Variants in UNC13C observed in about 807,000 individuals in gnomAD.
UNC13C encodes the protein protein unc-13 homolog C.
A neutral mutation model predicts 245.4 loss-of-function variants in UNC13C; 174 were observed. That is an observed-to-expected ratio of 0.71 (90% CI 0.63 to 0.80). UNC13C has a LOEUF of 0.80. Ranked by LOEUF, UNC13C falls within the 30% of genes least tolerant of loss-of-function variation. UNC13C has a pLI of 0.00. For missense variants in UNC13C, 2,829 were observed against 2,602.9 expected (o/e 1.09, Z -1.89); for synonymous variants, 992 against 895.1 (o/e 1.11, Z -1.93).
chr15:54,028,707 A>ATTTTTTTTTTTCT (rs1566960794), intron 2 of UNC13C, among the ~76,000 whole-genome samples: 1 of 17,038 alleles, frequency 5.9e-5, no homozygotes, highest in African/African-American at 2.1e-4. Flanking sequence ...TTTTTTTTTG[A>ATTTTTTTTTTTCT]GACGGAGTCT....
chr15:54,335,375 C>A (rs758240111), intron 16 of UNC13C, among the ~76,000 whole-genome samples: 6 of 152,140 alleles, frequency 3.9e-5, no homozygotes, highest in Non-Finnish European at 7.4e-5. Flanking sequence ...CTCCTATTAT[C>A]TTTTGAACAA....
chr15:53,941,500 A>G, the UNC13C span, among the ~76,000 whole-genome samples: 2 of 152,226 alleles, frequency 1.3e-5, no homozygotes, highest in Non-Finnish European at 2.9e-5. Flanking sequence ...ATCAGAGTGA[A>G]CAGACCACCT....
chr15:54,028,300 G>A (rs575011247), intron 2 of UNC13C, among the ~76,000 whole-genome samples: 5 of 152,178 alleles, frequency 3.3e-5, no homozygotes, highest in Admixed American at 1.3e-4. Context: ...GAATAAGGCC[G>A]GGCAACTTTG....
chr15:54,236,379 C>T (rs2035700716), intron 5 of UNC13C, 51 bp from the exon 6 acceptor site: 2 of 1,447,526 alleles, frequency 1.4e-6, no homozygotes. Context: ...TCCTACCTTT[C>T]ATGTATCTAA....
At chr15:54,403,004 T>C (rs2140932551) in intron 18 of UNC13C, among the ~76,000 whole-genome samples, 2 of 152,320 alleles carry the variant, frequency 1.3e-5, no homozygotes, top group South Asian at 4.1e-4. Flanking sequence ...CTGCATTGAG[T>C]AGGTGCTCCA....
At chr15:54,258,552 A>G (rs1482520984) in intron 8 of UNC13C, among the ~76,000 whole-genome samples, 1 of 151,944 alleles carries the variant, frequency 6.6e-6, no homozygotes, top group Non-Finnish European at 1.5e-5. Flanking sequence ...TTTTTTTAGT[A>G]GAGATGGAGT....
intron 2 of UNC13C, among the ~76,000 whole-genome samples, chr15:54,053,961 A>G (rs1897384825): frequency 6.6e-6 from 1 of 152,180 alleles, no homozygotes; most frequent in African/African-American, 2.4e-5. Context: ...GTTGTTGCAA[A>G]TGACAGGATC....
chr15:54,466,033 T>A (rs1370012980), intron 19 of UNC13C, among the ~76,000 whole-genome samples: 1 of 152,016 alleles, frequency 6.6e-6, no homozygotes, highest in Non-Finnish European at 1.5e-5. Context: ...TCCTGTTATA[T>A]GCAGCAACAT....
At chr15:54,004,849 G>A (rs1438233971) in intron 1 of UNC13C, among the ~76,000 whole-genome samples, 1 of 152,054 alleles carries the variant, frequency 6.6e-6, no homozygotes, top group Non-Finnish European at 1.5e-5. Context: ...TTTTTAAATT[G>A]GATTATTAGA....
At chr15:54,326,114 A>C (rs1485643283) in intron 14 of UNC13C, among the ~76,000 whole-genome samples, 2 of 152,138 alleles carry the variant, frequency 1.3e-5, no homozygotes, top group East Asian at 3.9e-4. Flanking sequence ...AATTCAAGGA[A>C]ATAGTGTGAG....
chr15:54,363,184 C>G (rs1280915668), intron 17 of UNC13C, among the ~76,000 whole-genome samples: 1 of 152,228 alleles, frequency 6.6e-6, no homozygotes, highest in Non-Finnish European at 1.5e-5. Flanking sequence ...TCTCGGCTCA[C>G]TGCAACCTCT....
At chr15:54,505,774 G>T (rs1407794018) in intron 22 of UNC13C, among the ~76,000 whole-genome samples, 2 of 124,330 alleles carry the variant, frequency 1.6e-5, no homozygotes, top group East Asian at 2.2e-4. Context: ...AGACAATCTC[G>T]CTCTGTCGCC....
chr15:54,002,322 C>A (rs1894932529), intron 1 of UNC13C, among the ~76,000 whole-genome samples: 1 of 151,784 alleles, frequency 6.6e-6, no homozygotes, highest in Admixed American at 6.6e-5. Context: ...TTATTCAAAT[C>A]CTAACTGTAT....
At chr15:53,988,357 G>A (rs536186267) in intron 1 of UNC13C, among the ~76,000 whole-genome samples, 1 of 151,860 alleles carries the variant, frequency 6.6e-6, no homozygotes, top group Admixed American at 6.6e-5. Context: ...TATTATTATT[G>A]GTCAGGGAGA....
At chr15:54,546,675 T>G (rs1896495627) in intron 26 of UNC13C, 47 bp from the exon 27 acceptor site, 7 of 1,246,008 alleles carry the variant, frequency 5.6e-6, no homozygotes, top group Non-Finnish European at 7.5e-6. Flanking sequence ...AATTGATACC[T>G]TGATCTGAAA....
intron 15 of UNC13C, among the ~76,000 whole-genome samples, chr15:54,333,516 T>C (rs919836993): frequency 7.2e-5 from 11 of 152,088 alleles, no homozygotes; most frequent in Non-Finnish European, 4.4e-5. Flanking sequence ...ATAATGATAT[T>C]GTTTTGCATT....
chr15:54,292,011 G>A (rs1306604758), intron 10 of UNC13C, among the ~76,000 whole-genome samples: 2 of 151,880 alleles, frequency 1.3e-5, no homozygotes, highest in Non-Finnish European at 2.9e-5. Context: ...CATTTCAAAT[G>A]CACACTGATA....
At chr15:54,138,734 C>T (rs1203329834) in intron 2 of UNC13C, among the ~76,000 whole-genome samples, 2 of 151,642 alleles carry the variant, frequency 1.3e-5, no homozygotes, top group Non-Finnish European at 2.9e-5. Flanking sequence ...AACATAATAT[C>T]GAAAATTGAG....
chr15:54,143,068 C>CT (rs752441676), intron 3 of UNC13C, 28 bp downstream of exon 3: 1 of 1,598,620 alleles, frequency 6.3e-7, no homozygotes, highest in Admixed American at 1.7e-5. Flanking sequence ...TTCTTCCCTC[C>CT]TGAGGAATCT....
Sources: gnomAD v4.1 joint callset for allele counts (sites outside exome capture counted in the v4.1 genomes callset) on GRCh38, gnomAD v4.1.1 for gene constraint, MANE v1.5 for transcripts, NCBI Gene and HGNC (gene_info 2026-07-23, HGNC 2026-07-21) for gene names.